Variants in PDE4D observed in about 807,000 individuals in gnomAD.
PDE4D encodes 3',5'-cyclic-AMP phosphodiesterase 4D.
PDE4D carries 24 observed loss-of-function variants against 87.4 expected under a neutral mutation model. The observed-to-expected ratio is 0.27, with a 90% CI of 0.20 to 0.39. The LOEUF (loss-of-function observed/expected upper bound fraction) is 0.39. Ranked by LOEUF, PDE4D falls within the 10% of genes least tolerant of loss-of-function variation. The probability of loss-of-function intolerance (pLI) is 1.00; values close to 1 mark genes in which losing one functional copy is unlikely to be tolerated. For missense variants in PDE4D, 714 were observed against 1,041.0 expected (o/e 0.69, Z 4.32); for synonymous variants, 384 against 383.2 (o/e 1.00, Z -0.02).
At chr5:59,354,843 T>C (rs564121525) in intron 1 of PDE4D, among the ~76,000 whole-genome samples, 1 of 152,240 alleles carries the variant, frequency 6.6e-6, no homozygotes, top group African/African-American at 2.4e-5. Context: ...TTTTGCTGTA[T>C]GTAAGGAAAC....
intron 1 of PDE4D, among the ~76,000 whole-genome samples, chr5:60,415,663 G>A (rs1583678732): frequency 6.6e-6 from 1 of 152,248 alleles, no homozygotes; most frequent in East Asian, 1.9e-4. Flanking sequence ...GCAGGGCTCG[G>A]GACCTGCAGT....
chr5:60,108,973 T>C lies in PDE4D; in HGVS notation c.42+76584A>G, dbSNP rs569306538. Among the ~76,000 whole-genome samples, 34 of 152,230 alleles carry C rather than the reference T, an allele frequency of 2.2e-4. No homozygotes were observed. In the East Asian group the frequency reaches 6.0e-3, roughly 27 times the overall value. On this transcript the variant is annotated intron_variant, in intron 2 of 16. Transcript: ENST00000502484. ...GGGCAAGGACTTCATGTCTAAACCA[T>C]CAAAAGCAATGGCAACCAAAGCCAA...
chr5:59,764,778 C>T (rs1762581855), intron 1 of PDE4D, among the ~76,000 whole-genome samples: 1 of 150,726 alleles, frequency 6.6e-6, no homozygotes, highest in Non-Finnish European at 1.5e-5. Context: ...GCCTCAGCCT[C>T]CTGTGGAGCT....
chr5:59,356,615 T>A (rs1212522828), intron 1 of PDE4D: 3 of 641,488 alleles, frequency 4.7e-6, no homozygotes, highest in Non-Finnish European at 7.5e-6. Context: ...AAGGTTTACA[T>A]CATCTTCTTG....
chr5:60,473,642 T>C (rs1473184559), intron 1 of PDE4D, among the ~76,000 whole-genome samples: 1 of 152,064 alleles, frequency 6.6e-6, no homozygotes, highest in African/African-American at 2.4e-5. Context: ...CACACAGAGC[T>C]GATGATGGCC....
At chr5:59,690,843 A>T (rs1750784899) in intron 1 of PDE4D, among the ~76,000 whole-genome samples, 2 of 152,242 alleles carry the variant, frequency 1.3e-5, no homozygotes, top group African/African-American at 2.4e-5. Context: ...TAATACACAG[A>T]ATCTACAAAT....
intron 2 of PDE4D, chr5:60,127,678 C>T: frequency 1.7e-6 from 1 of 591,296 alleles, no homozygotes; most frequent in South Asian, 2.0e-5. Context: ...TCGCAGTAAG[C>T]AGGCTGTGAG....
intron 1 of PDE4D, among the ~76,000 whole-genome samples, chr5:59,578,927 T>C (rs953841841): frequency 1.3e-5 from 2 of 152,086 alleles, no homozygotes; most frequent in South Asian, 4.1e-4. Context: ...GTTTTTCTCC[T>C]CTCCTTCTCC....
chr5:59,347,784 G>A (rs549379270), intron 1 of PDE4D, among the ~76,000 whole-genome samples: 38 of 152,166 alleles, frequency 2.5e-4, no homozygotes, highest in African/African-American at 8.9e-4. Flanking sequence ...ATTCACTCAA[G>A]AGACTGGAGA....
At chr5:59,160,393 G>T (rs772591063) in intron 5 of PDE4D, among the ~76,000 whole-genome samples, 12 of 151,824 alleles carry the variant, frequency 7.9e-5, no homozygotes, top group Non-Finnish European at 1.6e-4. Context: ...GCTATCTAGT[G>T]TACAACCTTT....
At chr5:59,886,775 A>C (rs898722175) in intron 1 of PDE4D, among the ~76,000 whole-genome samples, 1 of 152,144 alleles carries the variant, frequency 6.6e-6, no homozygotes, top group African/African-American at 2.4e-5. Flanking sequence ...GGTTTACAAA[A>C]GGGGACAAAA....
In PDE4D at chr5:60,477,677, G is replaced by A. The variant is rs117280166; in HGVS notation, c.-90+10265C>T. Among the ~76,000 whole-genome samples, 84 of 152,214 alleles carry A rather than the reference G, an allele frequency of 5.5e-4. 1 individual carries two copies. In the East Asian group the frequency reaches 0.011, roughly 19 times the overall value. On this transcript the variant is annotated intron_variant, in intron 1 of 16. Transcript: ENST00000502484. ...CCACCACAAACTGCTTTGGCCAGTG[G>A]GGTGTTAGCAAATGTGACACACAAA...
At chr5:60,024,434 A>G (rs997065461) in intron 2 of PDE4D, among the ~76,000 whole-genome samples, 2 of 152,222 alleles carry the variant, frequency 1.3e-5, no homozygotes, top group Non-Finnish European at 1.5e-5. Context: ...ATTGTTTCAA[A>G]GATGTATTTA....
At chr5:60,086,560 T>C (rs1774553042) in intron 2 of PDE4D, among the ~76,000 whole-genome samples, 2 of 152,334 alleles carry the variant, frequency 1.3e-5, no homozygotes, top group African/African-American at 4.8e-5. Context: ...GAATTTTCCA[T>C]AACAGCAGAA....
intron 1 of PDE4D, among the ~76,000 whole-genome samples, chr5:60,404,401 C>G (rs1741360815): frequency 6.6e-6 from 1 of 152,132 alleles, no homozygotes; most frequent in African/African-American, 2.4e-5. Flanking sequence ...ATTGCATTAC[C>G]TCTGCTCAAG....
chr5:60,032,607 AAGTTATGAAACATCTCTT>A (rs1474376673), intron 2 of PDE4D, among the ~76,000 whole-genome samples: 2 of 152,338 alleles, frequency 1.3e-5, no homozygotes, highest in Non-Finnish European at 2.9e-5. Flanking sequence ...TTTTCTAGGA[AAGTTATGAAACATCTCTT>A]AGCTGCTTCC....
rs180672229 is a variant in PDE4D at position 59,124,076 on chromosome 5, G to T, written c.808+56519C>A. Among the ~76,000 whole-genome samples the T allele has an allele frequency of 1.3e-3, 199 of 152,288 alleles. 1 individual carries two copies. The highest frequency in any genetic ancestry group is 4.5e-3 in the African/African-American group (189 of 41,560). ...TAACCTTTGGAAAATGTAATCAGGG[G>T]GGAACAACTTTTCCTAGCCCAAGTC... On this transcript the variant is annotated intron_variant, in intron 5 of 14. Coordinates refer to ENST00000340635, the MANE Select transcript of PDE4D (RefSeq NM_001104631.2).
chr5:58,997,755 A>C (rs1326392797), intron 6 of PDE4D, among the ~76,000 whole-genome samples: 1 of 152,146 alleles, frequency 6.6e-6, no homozygotes, highest in East Asian at 1.9e-4. Context: ...ACAGCAGTTA[A>C]GGCATAAAGG....
intron 1 of PDE4D, among the ~76,000 whole-genome samples, chr5:60,425,887 A>G (rs1016860812): frequency 2.0e-5 from 3 of 152,240 alleles, no homozygotes; most frequent in African/African-American, 4.8e-5. Flanking sequence ...ATGAACAGAC[A>G]CTTCTCAAAA....
Sources: gnomAD v4.1 joint callset for allele counts (sites outside exome capture counted in the v4.1 genomes callset) on GRCh38, gnomAD v4.1.1 for gene constraint, MANE v1.5 for transcripts, NCBI Gene and HGNC (gene_info 2026-07-23, HGNC 2026-07-21) for gene names.